FAM133A: variants seen among roughly 807,000 people sequenced by gnomAD.
FAM133A encodes the protein family with sequence similarity 133 member A.
For synonymous variants in FAM133A, 65 were observed against 58.6 expected (o/e 1.11, Z -0.50); for missense variants, 159 against 164.4 (o/e 0.97, Z 0.18).
chrX:93,703,938 G>T (rs956018456), intron 3 of FAM133A, among the ~76,000 whole-genome samples: 1 of 111,869 alleles, frequency 8.9e-6, no homozygotes, highest in African/African-American at 3.2e-5. Context: ...ACAGAACTAT[G>T]CTGGAGGGAA....
At chrX:93,680,379 A>G (rs1278973491) in intron 2 of FAM133A, among the ~76,000 whole-genome samples, 1 of 111,357 alleles carries the variant, frequency 9.0e-6, no homozygotes, top group Non-Finnish European at 1.9e-5. Flanking sequence ...TATCTTGGCT[A>G]TTGTACCTAA....
chrX:93,689,307 G>T (rs992295990), intron 2 of FAM133A, among the ~76,000 whole-genome samples: 8 of 110,982 alleles, frequency 7.2e-5, no homozygotes, highest in Admixed American at 4.8e-4. Flanking sequence ...CTCCCAAAGT[G>T]CTGGGATTAC....
rs185328393 is a variant in FAM133A, at chrX:93,688,365, C to T, written c.-192-10032C>T. ...CTTTTCTAAGACTTAGCTCTCCTTTCACTGGTCCCCGAATCACTGATTTTC... is the reference window on the plus strand; with the variant it reads ...CTTTTCTAAGACTTAGCTCTCCTTTTACTGGTCCCCGAATCACTGATTTTC... On this transcript the variant is annotated intron_variant, in intron 2 of 3. Transcript: ENST00000683942. Among the ~76,000 whole-genome samples, 294 of 110,984 alleles carry T rather than the reference C, an allele frequency of 2.6e-3. 2 individuals are homozygous for T. The highest frequency in any genetic ancestry group is 9.2e-3 in the African/African-American group (281 of 30,570).
At chrX:93,674,012 A>G (rs1924493417), upstream of FAM133A, 1 of 108,787 alleles carries the variant, frequency 9.2e-6, no homozygotes, top group Non-Finnish European at 1.9e-5. Flanking sequence ...AAAAAAAAAA[A>G]AAATTGAATG....
intron 3 of FAM133A, among the ~76,000 whole-genome samples, chrX:93,708,391 C>T (rs1393105151): frequency 9.0e-6 from 1 of 111,710 alleles, no homozygotes; most frequent in Non-Finnish European, 1.9e-5. Flanking sequence ...TTTAAGATCC[C>T]TCTGTTTACA....
intron 2 of FAM133A, among the ~76,000 whole-genome samples, chrX:93,678,983 G>A (rs371346586): frequency 8.9e-6 from 1 of 111,736 alleles, no homozygotes; most frequent in African/African-American, 3.3e-5. Flanking sequence ...GTGAGATAAA[G>A]GGTCAGATAA....
At chrX:93,691,067 G>T (rs1380889109) in intron 2 of FAM133A, among the ~76,000 whole-genome samples, 1 of 111,284 alleles carries the variant, frequency 9.0e-6, no homozygotes, top group Non-Finnish European at 1.9e-5. Context: ...AAATATTCTG[G>T]ATATGATCAG....
At chrX:93,688,652 T>C in intron 2 of FAM133A, among the ~76,000 whole-genome samples, 1 of 111,722 alleles carries the variant, frequency 9.0e-6, no homozygotes, top group Non-Finnish European at 1.9e-5. Flanking sequence ...AATGAACTTA[T>C]GATGAATGAA....
chrX:93,705,951 G>A (rs752162357), intron 3 of FAM133A, among the ~76,000 whole-genome samples: 2 of 110,273 alleles, frequency 1.8e-5, no homozygotes, highest in Non-Finnish European at 3.8e-5. Flanking sequence ...TTTACTTTCC[G>A]TATTGACTGT....
intron 2 of FAM133A, among the ~76,000 whole-genome samples, chrX:93,687,513 T>A (rs186779312): frequency 9.0e-6 from 1 of 111,587 alleles, no homozygotes; most frequent in Non-Finnish European, 1.9e-5. Flanking sequence ...TTTAAAAATT[T>A]AAAAAGATGT....
chrX:93,699,755 A>G (rs926283732), intron 3 of FAM133A, among the ~76,000 whole-genome samples: 5 of 110,985 alleles, frequency 4.5e-5, no homozygotes, highest in Non-Finnish European at 9.5e-5. Context: ...TCATATGCAC[A>G]TACTGCAGCA....
chrX:93,708,157 C>T (rs1456103686), intron 3 of FAM133A, among the ~76,000 whole-genome samples: 2 of 111,703 alleles, frequency 1.8e-5, no homozygotes, highest in African/African-American at 3.3e-5. Context: ...TAATGGTTGA[C>T]TTTCTGAGGA....
At chrX:93,708,045 G>A (rs1191095427) in intron 3 of FAM133A, among the ~76,000 whole-genome samples, 1 of 111,947 alleles carries the variant, frequency 8.9e-6, no homozygotes, top group Non-Finnish European at 1.9e-5. Context: ...AGGATGAGGG[G>A]TAGACAGAGA....
Position 93,676,313 on chromosome X carries a change from A to C in FAM133A, c.-193+1561A>C, listed in dbSNP as rs558315267. Among the ~76,000 whole-genome samples, 3 of 111,855 alleles carry C rather than the reference A, an allele frequency of 2.7e-5. No individual in the cohort carries two copies. The South Asian group carries it at 1.1e-3, about 41-fold the overall frequency. On this transcript the variant is annotated intron_variant, in intron 2 of 3. Coordinates refer to ENST00000683942, the MANE Select transcript of FAM133A (RefSeq NM_001171109.2). ...GAAATTAAAAGTAACTCAAAATACCACTGAGAAGTAATCACTACTTACATT... is the reference window on the plus strand; with the variant it reads ...GAAATTAAAAGTAACTCAAAATACCCCTGAGAAGTAATCACTACTTACATT...
intron 3 of FAM133A, among the ~76,000 whole-genome samples, chrX:93,699,583 A>G (rs1033342366): frequency 1.8e-5 from 2 of 111,164 alleles, no homozygotes; most frequent in African/African-American, 6.5e-5. Flanking sequence ...AAAATAATAT[A>G]TTTTCCAACT....
At chrX:93,683,920 A>G (rs1925339221) in intron 2 of FAM133A, among the ~76,000 whole-genome samples, 1 of 111,381 alleles carries the variant, frequency 9.0e-6, no homozygotes, top group Non-Finnish European at 1.9e-5. Context: ...TTGTATGAAT[A>G]CTTTGCAAAT....
In FAM133A at chrX:93,710,105, A is replaced by C. The variant is rs1183306029; in HGVS notation, c.686A>C (p.Gln229Pro). 1.7e-6 allele frequency: 2 copies of C among 1,191,696 alleles called. No homozygotes were observed. Among genetic ancestry groups the C allele is most frequent in the Non-Finnish European group, 2.3e-6 (2 of 886,841 alleles). Residue 229 changes from glutamine to proline, a missense_variant, in exon 4 of 4, where the codon CAG (glutamine) becomes CCG (proline). Physicochemically the swap from Gln to Pro is moderately conservative, Grantham distance 76. Transcript: ENST00000683942. ...AAAGTAAAGAAGAAGAAGAAGAAAC[A>C]GCACAAGAAACATAGTAAGAAGAAG... ...KEKVKKKKKK[Q>P]HKKHSKKKKK...
At chrX:93,697,932 C>T (rs1334931069) in intron 2 of FAM133A, among the ~76,000 whole-genome samples, 2 of 111,425 alleles carry the variant, frequency 1.8e-5, no homozygotes, top group East Asian at 2.8e-4. Context: ...TTACCCCAGT[C>T]GCTCTTTCAT....
intron 2 of FAM133A, among the ~76,000 whole-genome samples, chrX:93,695,450 A>G (rs35004313): frequency 0.1 from 10,669 of 105,798 alleles, 438 homozygotes; most frequent in Middle Eastern, 0.16. Context: ...GATGGGTTTC[A>G]CCACGTTGGC....
Sources: allele counts gnomAD v4.1 joint callset (sites outside exome capture counted in the v4.1 genomes callset), GRCh38; gene constraint gnomAD v4.1.1; transcripts MANE v1.5; gene names NCBI Gene and HGNC (gene_info 2026-07-23, HGNC 2026-07-21).